The following VANGL2 variants were observed in gnomAD, a reference collection of about 807,000 sequenced individuals.
VANGL2 encodes vang-like protein 2.
In VANGL2, 14 loss-of-function variants were observed where a neutral mutation model predicts 50.2. That is an observed-to-expected ratio of 0.28 (90% confidence interval 0.18 to 0.44). The LOEUF (loss-of-function observed/expected upper bound fraction) is 0.44, where lower values mean the gene tolerates loss of function less well. Ranked by LOEUF, VANGL2 falls within the 20% of genes least tolerant of loss-of-function variation. The pLI, the probability that VANGL2 is intolerant of heterozygous loss-of-function variation, is 1.00. For missense variants in VANGL2, 533 were observed against 701.5 expected (o/e 0.76, Z 2.71); for synonymous variants, 295 against 297.2 (o/e 0.99, Z 0.08).
In VANGL2 at chr1:160,416,141, G is replaced by A; in HGVS notation, c.151G>A (p.Glu51Lys). Residue 51 changes from glutamate (E) to lysine (K), a missense_variant, in exon 3 of 8, where the codon GAG becomes AAG. Physicochemically the swap from Glu to Lys is moderately conservative, Grantham distance 56 (BLOSUM62 1). Transcript: ENST00000368061. ...GTCGGTGACAATCCAGGCTCCCGGG[G>A]AGCCCCTGCTGGACAATGAGTCCAC... ...DKSVTIQAPG[E>K]PLLDNESTRG... 1.9e-6 allele frequency: 3 copies of A among 1,614,208 alleles called. No homozygotes were observed. The highest frequency in any genetic ancestry group is 2.5e-6 in the Non-Finnish European group (3 of 1,180,030).
chr1:160,410,020 G>A (rs533405074), intron 1 of VANGL2, among the ~76,000 whole-genome samples: 22 of 152,286 alleles, frequency 1.4e-4, no homozygotes, highest in African/African-American at 5.3e-4. Flanking sequence ...TCCTGAGTAG[G>A]AATCGGAGAC....
intron 1 of VANGL2, among the ~76,000 whole-genome samples, chr1:160,406,188 C>G (rs773838571): frequency 1.2e-4 from 18 of 152,200 alleles, no homozygotes; most frequent in Non-Finnish European, 2.4e-4. Context: ...TTACATAGCT[C>G]GTAAAAGGCT....
chr1:160,420,486 C>G lies in VANGL2; in HGVS notation c.876C>G (p.Asn292Lys). ...CTGTCTACAACCCTGCCCTCCTCAACCTGCCCAAGTCCGTCCTGGCCAAGA... is the reference window on the plus strand; with the variant it reads ...CTGTCTACAACCCTGCCCTCCTCAAGCTGCCCAAGTCCGTCCTGGCCAAGA... Reference protein sequence around the residue: ...DFPVYNPALLNLPKSVLAKKV... With the variant: ...DFPVYNPALLKLPKSVLAKKV... Residue 292 changes from asparagine to lysine, a missense_variant, in exon 5 of 8, where the codon AAC becomes AAG. Asn to Lys is a moderately conservative substitution (Grantham distance 94, BLOSUM62 0). Coordinates refer to ENST00000368061, the MANE Select transcript of VANGL2 (RefSeq NM_020335.3). The G allele has an allele frequency of 6.2e-7, 1 of 1,614,128 alleles. No homozygotes were observed. Among genetic ancestry groups the G allele is most frequent in the South Asian group, 1.1e-5 (1 of 91,076 alleles).
At position 160,424,241 on chromosome 1, in the gene VANGL2, G is replaced by A. The variant is rs139931744; in HGVS notation, c.1263G>A (p.Leu421=). 6.4e-4 allele frequency: 1,039 copies of A among 1,614,068 alleles called. No individual in the cohort carries two copies. The highest frequency in any genetic ancestry group is 8.0e-4 in the Non-Finnish European group (939 of 1,180,042). The change falls in exon 7 of 8, where the codon CTG becomes CTA. Residue 421 remains leucine, a synonymous_variant. Coordinates refer to ENST00000368061, the MANE Select transcript of VANGL2 (RefSeq NM_020335.3). ...QQPYHTMESI[L]QHLEFCITHD... ...CCTACCACACCATGGAGAGCATCCTGCAGCACCTTGAATTCTGCATCACGC... is the reference window on the plus strand; with the variant it reads ...CCTACCACACCATGGAGAGCATCCTACAGCACCTTGAATTCTGCATCACGC...
At chr1:160,403,931 G>C (rs1215189762) in intron 1 of VANGL2, among the ~76,000 whole-genome samples, 1 of 152,174 alleles carries the variant, frequency 6.6e-6, no homozygotes, top group African/African-American at 2.4e-5. Context: ...CGTGACATCA[G>C]ACAAAACTGG....
rs766747974 is a variant in VANGL2, at chr1:160,419,331, G to C, written c.522G>C (p.Ser174=). 1 of 1,609,958 alleles carries C rather than the reference G, an allele frequency of 6.2e-7. No homozygotes were observed. Among genetic ancestry groups the C allele is most frequent in the Non-Finnish European group, 8.5e-7 (1 of 1,180,004 alleles). The change falls in exon 4 of 8, where the codon TCG becomes TCC. Residue 174 remains serine (S), a synonymous_variant. Coordinates refer to ENST00000368061, the MANE Select transcript of VANGL2 (RefSeq NM_020335.3). The surrounding 1 kb of genome is among the most constrained non-coding windows in gnomAD (Gnocchi z 5.8). ...TGTTCTTCCGCCGGCCCAAGGCCTC[G>C]CTGCCCCGCGTCTTTGTGCTGCGTG... ...WALFFRRPKA[S]LPRVFVLRAL... is the part of the protein sequence containing the mutation.
At chr1:160,416,421 G>A (rs141472934) in intron 3 of VANGL2, among the ~76,000 whole-genome samples, 1 of 152,174 alleles carries the variant, frequency 6.6e-6, no homozygotes. Flanking sequence ...CCAGAGGAGT[G>A]GGGGGTGACC....
intron 1 of VANGL2, among the ~76,000 whole-genome samples, chr1:160,401,214 G>C (rs1021823804): frequency 1.3e-5 from 2 of 152,184 alleles, no homozygotes; most frequent in African/African-American, 4.8e-5. Context: ...GAGACGGGGA[G>C]CTTGTGTTGG....
chr1:160,411,432 G>A (rs558041499), intron 1 of VANGL2, among the ~76,000 whole-genome samples: 1 of 151,694 alleles, frequency 6.6e-6, no homozygotes, highest in Admixed American at 6.6e-5. Context: ...GCCCACCCAG[G>A]GGACCCTCCA....
At position 160,401,041 on chromosome 1, in the gene VANGL2, C is replaced by T. The variant is rs546280835; in HGVS notation, c.-191+172C>T. The stretch of plus-strand genomic sequence containing the variant: ...GAAGGGGGGCTGGACTCCGGGCAAC[C>T]CCCTTCCGGTCCGCTTCCCCACTGC... On this transcript the variant is annotated intron_variant, in intron 1 of 7. Transcript: ENST00000368061. Among the ~76,000 whole-genome samples the T allele has an allele frequency of 8.4e-4, 128 of 152,332 alleles. 4 individuals carry two copies. The highest frequency in any genetic ancestry group is 7.9e-3 in the Admixed American group (121 of 15,314).
Position 160,425,471 on chromosome 1 carries a change from C to A in VANGL2, c.*93C>A. ...CAGGCCCAGCCACATTCCTGCCACC[C>A]TTCTTCTTCTTGCTCTTTTTTTTTT... On this transcript the variant is annotated 3_prime_UTR_variant, in exon 8 of 8. Transcript: ENST00000368061. 1.0e-6 allele frequency: 1 copy of A among 995,952 alleles called. No individual in the cohort carries two copies. Among genetic ancestry groups the A allele is most frequent in the Non-Finnish European group, 1.4e-6 (1 of 718,078 alleles). The allele number at this position is 995,952 out of a possible 1,614,324, so 61.7% of individuals were successfully genotyped here.
Position 160,418,985 on chromosome 1 carries a change from C to T in VANGL2, c.193-17C>T. On this transcript the variant is annotated splice_polypyrimidine_tract_variant and intron_variant, in intron 3 of 7. Transcript: ENST00000368061. ...CCTTTCCTCCTTATTGTGTGGCTGG[C>T]CCCCTTCTGCCTGTAGGATGACAAC... 6.3e-7 allele frequency: 1 copy of T among 1,596,790 alleles called. No individual in the cohort carries two copies. Among genetic ancestry groups the T allele is most frequent in the Non-Finnish European group, 8.6e-7 (1 of 1,169,326 alleles).
chr1:160,405,651 G>A (rs147129180), intron 1 of VANGL2, among the ~76,000 whole-genome samples: 62 of 152,038 alleles, frequency 4.1e-4, no homozygotes, highest in African/African-American at 1.4e-3. Context: ...GATGAAGCTG[G>A]GGGCTGGGTA....
chr1:160,415,958 T>C (rs1018203922), intron 2 of VANGL2, 50 bp downstream of exon 2: 6 of 1,614,032 alleles, frequency 3.7e-6, no homozygotes, highest in Non-Finnish European at 4.2e-6. Flanking sequence ...GGTTGGGGGC[T>C]GTTAAGAGGT....
chr1:160,426,660 C>G lies in VANGL2; in HGVS notation c.*1282C>G, dbSNP rs1651466986. ...TTGATAATTTAGATCTCATTTTGAG[C>G]AAAATTTGCTGGCCCTCTAATAAAT... On this transcript the variant is annotated 3_prime_UTR_variant, in exon 8 of 8. Coordinates refer to ENST00000368061, the MANE Select transcript of VANGL2 (RefSeq NM_020335.3). The G allele has an allele frequency of 6.6e-6, 1 of 152,596 alleles. No individual in the cohort carries two copies. The allele number at this position is 152,596 out of a possible 1,614,324, so 9.5% of individuals were successfully genotyped here.
chr1:160,418,933 C>G, intron 3 of VANGL2, 69 bp from the exon 4 acceptor site: 1 of 1,542,074 alleles, frequency 6.5e-7, no homozygotes. Flanking sequence ...ACCCTTTCTC[C>G]TGTTTCCCTC....
rs1211247706 is a variant in VANGL2, at chr1:160,400,841, G to T, written c.-219G>T. On this transcript the variant is annotated 5_prime_UTR_variant, in exon 1 of 8. Transcript: ENST00000368061. ...GCGACGGGCCGAGCGGGGCGCCCGC[G>T]GAGCCCACCCGGCAGTTCGCAGCGG... 6.6e-6 allele frequency: 1 copy of T among 152,080 alleles called. No homozygotes were observed. The highest frequency in any genetic ancestry group is 1.5e-5 in the Non-Finnish European group (1 of 67,996). The allele number at this position is 152,080 out of a possible 1,614,324, so 9.4% of individuals were successfully genotyped here.
chr1:160,401,228 T>G (rs921110763), intron 1 of VANGL2, among the ~76,000 whole-genome samples: 5 of 145,754 alleles, frequency 3.4e-5, no homozygotes, highest in East Asian at 2.0e-4. Context: ...GTGTTGGAGG[T>G]GGGGGGAGAG....
At chr1:160,416,589 G>C (rs1017938503) in intron 3 of VANGL2, among the ~76,000 whole-genome samples, 1 of 152,158 alleles carries the variant, frequency 6.6e-6, no homozygotes, top group African/African-American at 2.4e-5. Context: ...TGGGCACTCT[G>C]TGCCCTCTGG....
Sources: allele counts gnomAD v4.1 joint callset (sites outside exome capture counted in the v4.1 genomes callset), GRCh38; gene constraint gnomAD v4.1.1; non-coding constraint Gnocchi (gnomAD v3.1); transcripts MANE v1.5; gene names NCBI Gene and HGNC (gene_info 2026-07-23, HGNC 2026-07-21).